The following MRAP2 variants were observed in gnomAD, a reference collection of about 807,000 sequenced individuals.
The protein encoded by MRAP2 is melanocortin-2 receptor accessory protein 2.
In MRAP2, 20 loss-of-function variants were observed where a neutral mutation model predicts 17.4. The ratio of observed to expected loss-of-function variants is 1.15; its 90% CI spans 0.81 to 1.67. MRAP2 has a LOEUF of 1.67. Among genes scored for constraint, MRAP2 ranks in the 40% most tolerant of loss-of-function variants. The probability of loss-of-function intolerance (pLI) is 0.00; values close to 1 mark genes in which losing one functional copy is unlikely to be tolerated. For synonymous variants in MRAP2, 96 were observed against 88.4 expected, an observed-to-expected ratio of 1.09 and a Z score of -0.48; for missense variants, 238 against 240.0, an observed-to-expected ratio of 0.99 and a Z score of 0.05.
chr6:84,119,558 C>A, the MRAP2 span, among the ~76,000 whole-genome samples: 4 of 152,160 alleles, frequency 2.6e-5, no homozygotes, highest in Non-Finnish European at 5.9e-5. Context: ...ATTGCCTGAG[C>A]CAGAAATTCA....
chr6:84,120,197 C>T, the MRAP2 span, among the ~76,000 whole-genome samples: 1 of 152,218 alleles, frequency 6.6e-6, no homozygotes, highest in Non-Finnish European at 1.5e-5. Context: ...TGTCTTTCCT[C>T]TGCCTTTTTG....
the MRAP2 span, among the ~76,000 whole-genome samples, chr6:84,099,312 ATTTT>A: frequency 0.043 from 6,420 of 147,952 alleles, 192 homozygotes; most frequent in Admixed American, 0.088. Flanking sequence ...GGCTTTATTT[ATTTT>A]TTATTTTTAA....
chr6:84,112,087 G>A, the MRAP2 span, among the ~76,000 whole-genome samples: 1 of 152,132 alleles, frequency 6.6e-6, no homozygotes, highest in Non-Finnish European at 1.5e-5. Flanking sequence ...GTTTCTGCCA[G>A]GTTTTGGTAT....
chr6:84,118,607 C>A, the MRAP2 span, among the ~76,000 whole-genome samples: 1 of 152,346 alleles, frequency 6.6e-6, no homozygotes, highest in South Asian at 2.1e-4. Context: ...GCTGGAAGGG[C>A]TGAGTTGACC....
At chr6:84,068,309 C>A (rs546966160) in intron 3 of MRAP2, among the ~76,000 whole-genome samples, 2 of 152,204 alleles carry the variant, frequency 1.3e-5, no homozygotes, top group African/African-American at 4.8e-5. Flanking sequence ...TAGTTTGAAA[C>A]CAGATAGTAT....
chr6:84,130,968 T>C, the MRAP2 span, among the ~76,000 whole-genome samples: 2 of 152,244 alleles, frequency 1.3e-5, no homozygotes, highest in Non-Finnish European at 2.9e-5. Flanking sequence ...TTTTAGATCT[T>C]TCCTGCTTTC....
At chr6:84,094,301 T>A (rs1457822706), downstream of MRAP2, among the ~76,000 whole-genome samples, 1 of 152,196 alleles carries the variant, frequency 6.6e-6, no homozygotes, top group African/African-American at 2.4e-5. Flanking sequence ...TTCCTGATGA[T>A]GAATCTCCTA....
chr6:84,117,431 T>G, the MRAP2 span, among the ~76,000 whole-genome samples: 1 of 152,126 alleles, frequency 6.6e-6, no homozygotes, highest in South Asian at 2.1e-4. Context: ...TTTTTCTGAA[T>G]AGTTTCAGTC....
rs115542286 is a variant in MRAP2, at chr6:84,080,009, T to C, written c.228-9082T>C. Reference sequence around the variant, plus strand: ...CCCTCGTTTCATAACCTTCCCCAGCTCTATTGCCAGGGTTTTTTTTTTGTT... The same window carrying C: ...CCCTCGTTTCATAACCTTCCCCAGCCCTATTGCCAGGGTTTTTTTTTTGTT... On this transcript the variant is annotated intron_variant, in intron 3 of 3. Transcript: ENST00000257776. 7.6e-3 allele frequency among the ~76,000 whole-genome samples: 1,126 copies of C among 148,146 alleles called. 12 individuals carry two copies. The highest frequency in any genetic ancestry group is 0.028 in the African/African-American group (1,073 of 38,622).
chr6:84,036,674 C>T (rs923530535), intron 1 of MRAP2, among the ~76,000 whole-genome samples: 4 of 152,096 alleles, frequency 2.6e-5, no homozygotes, highest in South Asian at 2.1e-4. Flanking sequence ...GGGACCTGAG[C>T]GCCTTACCAC....
intron 3 of MRAP2, among the ~76,000 whole-genome samples, chr6:84,081,068 GAGAACAAC>G (rs2099498844): frequency 6.6e-6 from 1 of 152,224 alleles, no homozygotes. Context: ...AGAGCAGACA[GAGAACAAC>G]AGTTGTATTA....
At chr6:84,123,500 G>C in the MRAP2 span, among the ~76,000 whole-genome samples, 2 of 152,064 alleles carry the variant, frequency 1.3e-5, no homozygotes, top group African/African-American at 4.8e-5. Context: ...TCAATAAATG[G>C]TGCTGGGAAA....
chr6:84,089,392 T>C lies in MRAP2; in HGVS notation c.529T>C (p.Phe177Leu). The change falls in exon 4 of 4, where the codon TTT becomes CTT. Residue 177 changes from phenylalanine (F) to leucine (L), a missense_variant. Transcript: ENST00000257776. ...CTTTGTGAACACAGACCAGAACTACTTTGGGGAGGATGATCTTCTGATTTC... is the reference window on the plus strand; with the variant it reads ...CTTTGTGAACACAGACCAGAACTACCTTGGGGAGGATGATCTTCTGATTTC... Reference protein sequence around the residue: ...PNFVNTDQNYFGEDDLLISEP... With the variant: ...PNFVNTDQNYLGEDDLLISEP... 1 of 1,614,152 alleles carries C rather than the reference T, an allele frequency of 6.2e-7. No homozygotes were observed. The highest frequency in any genetic ancestry group is 8.5e-7 in the Non-Finnish European group (1 of 1,180,030).
chr6:84,063,049 GAA>G (rs2099493593), intron 3 of MRAP2, 57 bp downstream of exon 3: 1 of 1,611,378 alleles, frequency 6.2e-7, no homozygotes, highest in East Asian at 2.2e-5. Flanking sequence ...TGAGGAAATA[GAA>G]ACTACTACCC....
the MRAP2 span, among the ~76,000 whole-genome samples, chr6:84,100,504 C>T: frequency 6.6e-6 from 1 of 152,108 alleles, no homozygotes; most frequent in Non-Finnish European, 1.5e-5. Context: ...TGGGCTCAAG[C>T]AATCCACCTG....
intron 1 of MRAP2, among the ~76,000 whole-genome samples, chr6:84,035,658 G>A (rs1171952361): frequency 2.0e-5 from 3 of 152,192 alleles, no homozygotes; most frequent in Non-Finnish European, 2.9e-5. Flanking sequence ...CTGCCTCTGC[G>A]TGAGTGTTCA....
chr6:84,134,812 C>T, the MRAP2 span, among the ~76,000 whole-genome samples: 2 of 151,954 alleles, frequency 1.3e-5, no homozygotes, highest in Admixed American at 6.6e-5. Context: ...CAGCCTCCCC[C>T]CCACAGATTA....
At chr6:84,052,771 A>G in intron 1 of MRAP2, 1 of 983,916 alleles carries the variant, frequency 1.0e-6, no homozygotes, top group Non-Finnish European at 1.2e-6. Flanking sequence ...CAGAATGAGA[A>G]CCTCCTGTAG....
At chr6:84,079,679 T>C (rs1447056478) in intron 3 of MRAP2, among the ~76,000 whole-genome samples, 1 of 152,156 alleles carries the variant, frequency 6.6e-6, no homozygotes, top group African/African-American at 2.4e-5. Context: ...TATTTGGTAA[T>C]AGGGCACTGC....
Sources: allele counts gnomAD v4.1 joint callset (sites outside exome capture counted in the v4.1 genomes callset), GRCh38; gene constraint gnomAD v4.1.1; transcripts MANE v1.5; gene names NCBI Gene and HGNC (gene_info 2026-07-23, HGNC 2026-07-21).